SIPA1L3: variants seen among roughly 807,000 people sequenced by gnomAD.
The protein encoded by SIPA1L3 is signal induced proliferation associated 1 like 3, also known as signal-induced proliferation-associated 1-like protein 3.
Under a neutral mutation model 150.1 loss-of-function variants are expected in SIPA1L3, and 59 were observed. The ratio of observed to expected loss-of-function variants is 0.39; its 90% CI spans 0.32 to 0.49. The LOEUF (loss-of-function observed/expected upper bound fraction) is 0.49, where lower values mean the gene tolerates loss of function less well. SIPA1L3 is among the 20% of genes least tolerant of loss of function. The probability of loss-of-function intolerance (pLI) is 0.86; values close to 1 mark genes in which losing one functional copy is unlikely to be tolerated. For missense variants in SIPA1L3, 2,211 were observed against 2,489.5 expected (o/e 0.89, Z 2.38); for synonymous variants, 1,070 against 1,077.6 (o/e 0.99, Z 0.14).
chr19:38,110,470 C>T (rs1016681296), intron 8 of SIPA1L3, 86 bp downstream of exon 8: 2 of 1,107,602 alleles, frequency 1.8e-6, no homozygotes, highest in African/African-American at 1.5e-5. Flanking sequence ...AGGGCCCCCC[C>T]ACACCTCACG....
chr19:37,990,609 C>A (rs1967479414), intron 1 of SIPA1L3, among the ~76,000 whole-genome samples: 1 of 152,222 alleles, frequency 6.6e-6, no homozygotes, highest in African/African-American at 2.4e-5. Context: ...AGCGAGAACC[C>A]CGCCCCAGTC....
intron 2 of SIPA1L3, among the ~76,000 whole-genome samples, chr19:38,063,455 T>C (rs994035330): frequency 6.6e-6 from 1 of 152,206 alleles, no homozygotes; most frequent in Non-Finnish European, 1.5e-5. Context: ...GAGTGGGACT[T>C]TAACAGATGT....
chr19:38,094,791 G>A (rs1055538998), intron 4 of SIPA1L3, among the ~76,000 whole-genome samples: 4 of 152,080 alleles, frequency 2.6e-5, no homozygotes, highest in Admixed American at 1.3e-4. Context: ...TAATTGCCAG[G>A]CGTGGTAGCT....
At chr19:37,939,112 G>A (rs1011967750) in intron 1 of SIPA1L3, among the ~76,000 whole-genome samples, 2 of 152,110 alleles carry the variant, frequency 1.3e-5, no homozygotes, top group Non-Finnish European at 2.9e-5. Flanking sequence ...CCAGCTCACA[G>A]TGATCCACTC....
chr19:38,038,823 A>G (rs1968848156), intron 2 of SIPA1L3, among the ~76,000 whole-genome samples: 1 of 150,492 alleles, frequency 6.6e-6, no homozygotes, highest in African/African-American at 2.5e-5. Context: ...CAATTCAGTT[A>G]GAGTTACTGA....
chr19:38,107,828 T>C (rs1324539194), intron 7 of SIPA1L3, among the ~76,000 whole-genome samples: 1 of 151,898 alleles, frequency 6.6e-6, no homozygotes, highest in East Asian at 1.9e-4. Context: ...AATACAAAAA[T>C]TAGCTAGGCA....
intron 1 of SIPA1L3, among the ~76,000 whole-genome samples, chr19:37,922,969 A>G (rs1599796544): frequency 6.7e-6 from 1 of 150,318 alleles, no homozygotes; most frequent in Admixed American, 6.6e-5. Flanking sequence ...TCTACTAAAA[A>G]TACAAAAAAA....
chr19:37,943,012 TTCTC>T lies in SIPA1L3; in HGVS notation c.-379+35674_-379+35677del, dbSNP rs4007702. ...GATGCGTGAGCCACACCCAGCCTCT[TTCTC>T]TCTCTCTCTCTCTCTCTCTTTTTTT... On this transcript the variant is annotated intron_variant, in intron 1 of 21. Transcript: ENST00000222345. Among the ~76,000 whole-genome samples, 290 of 101,972 alleles carry T rather than the reference TTCTC, an allele frequency of 2.8e-3. 3 individuals are homozygous for T. Among genetic ancestry groups the T allele is most frequent in the Non-Finnish European group, 4.0e-3 (216 of 54,522 alleles). 66.9% of individuals were successfully genotyped at this position (101,972 alleles called of 152,430 possible). A position where few individuals can be genotyped will look rare whatever the true frequency, so the allele number is the denominator to read the frequency against.
chr19:38,174,604 C>T (rs1264326218), intron 15 of SIPA1L3, among the ~76,000 whole-genome samples: 1 of 152,138 alleles, frequency 6.6e-6, no homozygotes, highest in African/African-American at 2.4e-5. Flanking sequence ...CATCCCAGCA[C>T]TTTGGGAGGC....
At chr19:38,103,135 GA>G (rs11352510) in intron 6 of SIPA1L3, among the ~76,000 whole-genome samples, 85,671 of 139,972 alleles carry the variant, frequency 0.61, 27,426 homozygotes, top group African/African-American at 0.85. Flanking sequence ...TCAATCAGTA[GA>G]AAAAAAAAAA....
chr19:38,168,032 G>A (rs1441711855), intron 15 of SIPA1L3, among the ~76,000 whole-genome samples: 1 of 152,084 alleles, frequency 6.6e-6, no homozygotes, highest in Non-Finnish European at 1.5e-5. Context: ...CCTCCCCACC[G>A]CCCACTGTCA....
chr19:38,130,420 C>T (rs1204899065), intron 9 of SIPA1L3, 78 bp from the exon 10 acceptor site: 13 of 1,479,556 alleles, frequency 8.8e-6, no homozygotes, highest in African/African-American at 4.2e-5. Context: ...GGCTTCAAAG[C>T]GGGGAACGTG....
intron 2 of SIPA1L3, among the ~76,000 whole-genome samples, chr19:38,065,411 CT>C (rs10718226): frequency 0.32 from 39,393 of 122,344 alleles, 6,143 homozygotes; most frequent in Middle Eastern, 0.37. Flanking sequence ...CACATGCTGA[CT>C]TTTTTTTTTT....
chr19:38,195,821 AC>A lies in SIPA1L3; in HGVS notation c.4840+2047del, dbSNP rs1972914885. ...CCCCCCGCCCCCCCGGGTTTCTCTC[AC>A]CCCCCTCCGTCCCTACTCACCGCCT... On this transcript the variant is annotated intron_variant, in intron 18 of 21. Coordinates refer to ENST00000222345, the MANE Select transcript of SIPA1L3 (RefSeq NM_015073.3). Among the ~76,000 whole-genome samples the A allele has an allele frequency of 2.0e-4, 6 of 30,480 alleles. No homozygotes were observed. In the East Asian group the frequency reaches 5.0e-3, roughly 25 times the overall value. The allele number at this position is 30,480 out of a possible 152,430, so 20.0% of individuals were successfully genotyped here.
rs923245472 is a variant in SIPA1L3 at position 38,002,058 on chromosome 19, T to C, written c.-378-27031T>C. On this transcript the variant is annotated intron_variant, in intron 1 of 21. Coordinates refer to ENST00000222345, the MANE Select transcript of SIPA1L3 (RefSeq NM_015073.3). ...TGCCCAGTTACATTACTGATAGATATAGTTACCAAAAAAATGTACCTTACG... is the reference window on the plus strand; with the variant it reads ...TGCCCAGTTACATTACTGATAGATACAGTTACCAAAAAAATGTACCTTACG... Among the ~76,000 whole-genome samples, 32 of 152,218 alleles carry C rather than the reference T, an allele frequency of 2.1e-4. 1 individual carries two copies. Among genetic ancestry groups the C allele is most frequent in the Admixed American group, 1.3e-3 (20 of 15,280 alleles).
rs1972499824 is a variant in SIPA1L3, at chr19:38,178,771, C to T, written c.4209-3748C>T. Among the ~76,000 whole-genome samples, 3 of 152,298 alleles carry T rather than the reference C, an allele frequency of 2.0e-5. No individual in the cohort carries two copies. In the South Asian group the frequency reaches 6.2e-4, roughly 32 times the overall value. On this transcript the variant is annotated intron_variant, in intron 15 of 21. Transcript: ENST00000222345. Reference sequence around the variant, plus strand: ...GATTACAGGCATGAGCTACCACACCCAGCCAGGCCAAATGTTAAGCTGAAG... The same window carrying T: ...GATTACAGGCATGAGCTACCACACCTAGCCAGGCCAAATGTTAAGCTGAAG...
chr19:38,057,140 G>C (rs1969335037), intron 2 of SIPA1L3, among the ~76,000 whole-genome samples: 1 of 151,954 alleles, frequency 6.6e-6, no homozygotes, highest in Non-Finnish European at 1.5e-5. Flanking sequence ...GCATGGTAGT[G>C]GGCGCCTGTA....
In SIPA1L3 at chr19:38,177,244, C is replaced by T. The variant is rs1972455680; in HGVS notation, c.4209-5275C>T. Among the ~76,000 whole-genome samples, 10 of 151,014 alleles carry T rather than the reference C, an allele frequency of 6.6e-5. No homozygotes were observed. The Admixed American group carries it at 6.6e-4, about 10-fold the overall frequency. On this transcript the variant is annotated intron_variant, in intron 15 of 21. Transcript: ENST00000222345. ...GGTGTGGTGGTGGGCGCCTGTAGTC[C>T]CAGCTACTCAGGAGGCTGAGGCAGG...
chr19:38,102,923 G>A (rs1970539440), intron 6 of SIPA1L3, among the ~76,000 whole-genome samples: 2 of 151,900 alleles, frequency 1.3e-5, no homozygotes, highest in South Asian at 2.1e-4. Context: ...TCAGGAGTTC[G>A]AGACCAGCCT....
Sources: allele counts gnomAD v4.1 joint callset (sites outside exome capture counted in the v4.1 genomes callset), GRCh38; gene constraint gnomAD v4.1.1; transcripts MANE v1.5; gene names NCBI Gene and HGNC (gene_info 2026-07-23, HGNC 2026-07-21).